Variants in SLCO5A1 observed in about 807,000 individuals in gnomAD.
The protein encoded by SLCO5A1 is solute carrier organic anion transporter family member 5A1, also known as organic anion transporter polypeptide-related protein 4.
SLCO5A1 carries 39 observed loss-of-function variants against 65.1 expected under a neutral mutation model. The ratio of observed to expected loss-of-function variants is 0.60; its 90% confidence interval spans 0.46 to 0.78. SLCO5A1 has a LOEUF of 0.78. Among genes scored for constraint, SLCO5A1 ranks in the 30% least tolerant of loss-of-function variants. SLCO5A1 has a pLI of 0.00. For missense variants in SLCO5A1, 1,029 were observed against 1,069.4 expected (o/e 0.96, Z 0.53); for synonymous variants, 438 against 415.7 (o/e 1.05, Z -0.65).
intron 2 of SLCO5A1, among the ~76,000 whole-genome samples, chr8:69,831,008 A>G (rs959674430): frequency 1.3e-5 from 2 of 152,142 alleles, no homozygotes; most frequent in African/African-American, 4.8e-5. Flanking sequence ...TATAAGAAAA[A>G]CAGGTATGAA....
chr8:69,834,863 TGTCA>T lies in SLCO5A1; in HGVS notation c.-510_-507del, dbSNP rs998587173. ...AGCCGCCGCTACTCACTAGCGAGTC[TGTCA>T]GTCTGTCTGCCTGGCTGAGTAGAGC... On this transcript the variant is annotated 5_prime_UTR_variant, in exon 1 of 10. Transcript: ENST00000260126. 1 of 152,508 alleles carries T rather than the reference TGTCA, an allele frequency of 6.6e-6. No individual in the cohort carries two copies. Among genetic ancestry groups the T allele is most frequent in the African/African-American group, 2.4e-5 (1 of 41,446 alleles). 9.4% of individuals were successfully genotyped at this position (152,508 alleles called of 1,614,324 possible).
chr8:69,676,241 A>C (rs895835186), intron 9 of SLCO5A1, among the ~76,000 whole-genome samples: 1 of 152,198 alleles, frequency 6.6e-6, no homozygotes, highest in African/African-American at 2.4e-5. Context: ...TTCACAAATA[A>C]AGACCAATTT....
chr8:69,803,235 G>A (rs1418761176), intron 2 of SLCO5A1, among the ~76,000 whole-genome samples: 1 of 152,110 alleles, frequency 6.6e-6, no homozygotes, highest in African/African-American at 2.4e-5. Flanking sequence ...GGCCAACATG[G>A]TGAAACCCCA....
chr8:69,820,941 GT>G (rs1820610219), intron 2 of SLCO5A1, among the ~76,000 whole-genome samples: 1 of 152,138 alleles, frequency 6.6e-6, no homozygotes, highest in Admixed American at 6.5e-5. Context: ...AAGCCAAGGG[GT>G]TTGTCTGAAG....
chr8:69,760,644 C>G (rs1417595152), intron 3 of SLCO5A1, among the ~76,000 whole-genome samples: 1 of 152,128 alleles, frequency 6.6e-6, no homozygotes, highest in Non-Finnish European at 1.5e-5. Context: ...GTGAAAATGC[C>G]TTATCAATGT....
intron 2 of SLCO5A1, among the ~76,000 whole-genome samples, chr8:69,789,005 A>G (rs573260965): frequency 3.0e-4 from 45 of 152,330 alleles, no homozygotes; most frequent in African/African-American, 1.1e-3. Context: ...TGATTCTTCT[A>G]AATACTATCT....
At chr8:69,694,448 A>G (rs1814409056) in intron 6 of SLCO5A1, among the ~76,000 whole-genome samples, 1 of 152,154 alleles carries the variant, frequency 6.6e-6, no homozygotes, top group African/African-American at 2.4e-5. Flanking sequence ...CTCTTTATTG[A>G]CTTGAAAGGG....
rs1248545486 is a variant in SLCO5A1, at chr8:69,735,217, T to C, written c.1423+2823A>G. Among the ~76,000 whole-genome samples the C allele has an allele frequency of 2.0e-5, 3 of 152,360 alleles. No homozygotes were observed. In the East Asian group the frequency reaches 5.8e-4, roughly 29 times the overall value. ...AGAAATAGGAACGCTTTTACACTGT[T>C]GGTGCAAATGTAAATTAGTTCAGCC... On this transcript the variant is annotated intron_variant, in intron 5 of 9. Coordinates refer to ENST00000260126, the MANE Select transcript of SLCO5A1 (RefSeq NM_030958.3).
At chr8:69,683,313 G>C (rs1224029943) in intron 6 of SLCO5A1, among the ~76,000 whole-genome samples, 1 of 152,146 alleles carries the variant, frequency 6.6e-6, no homozygotes, top group Non-Finnish European at 1.5e-5. Flanking sequence ...GTTAGCAATA[G>C]CAGATCCTTC....
intron 5 of SLCO5A1, among the ~76,000 whole-genome samples, chr8:69,709,620 T>C (rs2933050): frequency 0.39 from 59,177 of 152,108 alleles, 11,663 homozygotes; most frequent in South Asian, 0.56. Flanking sequence ...GCATATTTCA[T>C]TGCAGACGTT....
chr8:69,805,747 G>A (rs1205750692), intron 2 of SLCO5A1, among the ~76,000 whole-genome samples: 1 of 152,162 alleles, frequency 6.6e-6, no homozygotes, highest in East Asian at 1.9e-4. Context: ...ACAGCGTCTG[G>A]AAGTTTCTCT....
intron 2 of SLCO5A1, among the ~76,000 whole-genome samples, chr8:69,768,640 C>A (rs1818182280): frequency 6.6e-6 from 1 of 152,128 alleles, no homozygotes; most frequent in Admixed American, 6.5e-5. Flanking sequence ...TGGCCTCTCT[C>A]TACACGAGCA....
intron 2 of SLCO5A1, among the ~76,000 whole-genome samples, chr8:69,804,523 C>G (rs1819906313): frequency 1.3e-5 from 2 of 152,050 alleles, no homozygotes; most frequent in Admixed American, 1.3e-4. Flanking sequence ...ACCATGTTGC[C>G]CAGGCTGTTC....
chr8:69,674,276 AT>A lies in SLCO5A1; in HGVS notation c.2090-951del, dbSNP rs535496146. ...TATTCTTTGCATCCCAAAGACCTCA[AT>A]AAAAATTTATGGAAGATAGCAATGG... On this transcript the variant is annotated intron_variant, in intron 9 of 9. Transcript: ENST00000260126. 8.5e-5 allele frequency among the ~76,000 whole-genome samples: 13 copies of A among 152,332 alleles called. No homozygotes were observed. The East Asian group carries it at 2.3e-3, about 27-fold the overall frequency.
rs536463417 is a variant in SLCO5A1 at position 69,743,177 on chromosome 8, G to A, written c.1259-4973C>T. ...ATCAGTCTCACTGAGGGCAGAGGCC[G>A]TAATTTATTCTCCAAACCTACTGAT... On this transcript the variant is annotated intron_variant, in intron 4 of 9. Transcript: ENST00000260126. Among the ~76,000 whole-genome samples the A allele has an allele frequency of 3.9e-5, 6 of 152,236 alleles. No homozygotes were observed. In the East Asian group the frequency reaches 5.8e-4, roughly 15 times the overall value.
chr8:69,799,115 G>C (rs191554337), intron 2 of SLCO5A1, among the ~76,000 whole-genome samples: 1 of 152,290 alleles, frequency 6.6e-6, no homozygotes, highest in African/African-American at 2.4e-5. Flanking sequence ...CTGGTGCCAA[G>C]CAATGAGATT....
At chr8:69,683,453 AT>A (rs757959733) in intron 6 of SLCO5A1, among the ~76,000 whole-genome samples, 5 of 152,118 alleles carry the variant, frequency 3.3e-5, no homozygotes, top group Non-Finnish European at 5.9e-5. Flanking sequence ...ATGTGGATAT[AT>A]TGTGTAGTAG....
intron 2 of SLCO5A1, among the ~76,000 whole-genome samples, chr8:69,762,218 G>A (rs1426810754): frequency 2.1e-5 from 3 of 141,472 alleles, no homozygotes; most frequent in Non-Finnish European, 3.0e-5. Flanking sequence ...ACAGAGTCTT[G>A]CTCTGTCACC....
At chr8:69,680,732 A>G (rs530499054) in intron 7 of SLCO5A1, among the ~76,000 whole-genome samples, 1 of 152,350 alleles carries the variant, frequency 6.6e-6, no homozygotes, top group South Asian at 2.1e-4. Flanking sequence ...CTAAGTTAAT[A>G]TACATTCTGG....
Sources: gnomAD v4.1 joint callset for allele counts (sites outside exome capture counted in the v4.1 genomes callset) on GRCh38, gnomAD v4.1.1 for gene constraint, MANE v1.5 for transcripts, NCBI Gene and HGNC (gene_info 2026-07-23, HGNC 2026-07-21) for gene names.